The following SF3B3 variants were observed in gnomAD, a reference collection of about 807,000 sequenced individuals.
SF3B3 encodes the protein splicing factor 3b subunit 3.
A neutral mutation model predicts 139.2 loss-of-function variants in SF3B3; 33 were observed. That is an observed-to-expected ratio of 0.24 (90% CI 0.18 to 0.32). The LOEUF (loss-of-function observed/expected upper bound fraction) is 0.32. SF3B3 is among the 10% of genes least tolerant of loss of function. The probability of loss-of-function intolerance (pLI) is 1.00; values close to 1 mark genes in which losing one functional copy is unlikely to be tolerated. For missense variants in SF3B3, 818 were observed against 1,509.4 expected (o/e 0.54, Z 7.59); for synonymous variants, 596 against 563.6 (o/e 1.06, Z -0.81).
rs1555501476 is a variant in SF3B3 at position 70,575,202 on chromosome 16, T to TTC, written c.*3390_*3391insCT. ...TTTTCTTTTTCTTTTTTTTCTTTTTTTTTTTTTTTTTTTTGAGATGAAGTC... is the reference window on the plus strand; with the variant it reads ...TTTTCTTTTTCTTTTTTTTCTTTTTTTCTTTTTTTTTTTTTTGAGATGAAGTC... On this transcript the variant is annotated 3_prime_UTR_variant, in exon 26 of 26. Coordinates refer to ENST00000302516, the MANE Select transcript of SF3B3 (RefSeq NM_012426.5). The TTC allele has an allele frequency of 7.0e-6, 1 of 142,480 alleles. No individual in the cohort carries two copies. The highest frequency in any genetic ancestry group is 2.7e-5 in the African/African-American group (1 of 37,180). 8.8% of individuals were successfully genotyped at this position (142,480 alleles called of 1,614,324 possible). A position where few individuals can be genotyped will look rare whatever the true frequency, so the allele number is the denominator to read the frequency against.
At position 70,571,530 on chromosome 16, in the gene SF3B3, A is replaced by G. The variant is rs2050529178; in HGVS notation, c.3514-143A>G. Reference sequence around the variant, plus strand: ...CAGTGAGCTAAGATTATCCCACTGCACTGCAACCCGGATGATAGGGTGAGA... The same window carrying G: ...CAGTGAGCTAAGATTATCCCACTGCGCTGCAACCCGGATGATAGGGTGAGA... On this transcript the variant is annotated intron_variant, in intron 25 of 25. Coordinates refer to ENST00000302516, the MANE Select transcript of SF3B3 (RefSeq NM_012426.5). 10 of 858,910 alleles carry G rather than the reference A, an allele frequency of 1.2e-5. No individual in the cohort carries two copies. The South Asian group carries it at 1.7e-4, about 14-fold the overall frequency. The allele number at this position is 858,910 out of a possible 1,614,324, so 53.2% of individuals were successfully genotyped here. A position where few individuals can be genotyped will look rare whatever the true frequency, so the allele number is the denominator to read the frequency against.
At chr16:70,558,597 A>T (rs572364267) in intron 15 of SF3B3, among the ~76,000 whole-genome samples, 2 of 152,048 alleles carry the variant, frequency 1.3e-5, no homozygotes, top group Non-Finnish European at 2.9e-5. Context: ...GTCTTTATTT[A>T]AAAAAAATTT....
chr16:70,556,758 C>T, intron 14 of SF3B3, 128 bp from the exon 15 acceptor site: 1 of 970,228 alleles, frequency 1.0e-6, no homozygotes. Context: ...TCTCTTAGAA[C>T]TCACTCCCCG....
At chr16:70,532,314 C>A (rs529443614) in intron 4 of SF3B3, among the ~76,000 whole-genome samples, 165 bp from the exon 5 acceptor site, 6 of 134,540 alleles carry the variant, frequency 4.5e-5, no homozygotes, top group Non-Finnish European at 9.1e-5. Flanking sequence ...GATCATACCT[C>A]TGTGCACTGC....
chr16:70,554,273 A>G (rs1048114978), intron 11 of SF3B3, 173 bp from the exon 12 acceptor site: 1 of 572,562 alleles, frequency 1.7e-6, no homozygotes, highest in African/African-American at 1.9e-5. Flanking sequence ...TCTGACCCCT[A>G]GTTTTCTTCT....
At chr16:70,525,293 C>T (rs1464437550) in intron 1 of SF3B3, among the ~76,000 whole-genome samples, 1 of 152,014 alleles carries the variant, frequency 6.6e-6, no homozygotes. Context: ...TCCCAAAGTG[C>T]TGGGATTACA....
intron 2 of SF3B3, among the ~76,000 whole-genome samples, chr16:70,528,464 CT>C (rs71387528): frequency 3.0e-3 from 308 of 103,902 alleles, no homozygotes; most frequent in African/African-American, 0.01. Flanking sequence ...TGTGCGTGGC[CT>C]TTTTTTTTTT....
chr16:70,562,250 A>G (rs1233763938), intron 17 of SF3B3, among the ~76,000 whole-genome samples: 1 of 152,192 alleles, frequency 6.6e-6, no homozygotes, highest in Non-Finnish European at 1.5e-5. Flanking sequence ...TGTATGTAAT[A>G]TTCTTTGCAA....
intron 10 of SF3B3, 78 bp downstream of exon 10, chr16:70,544,611 G>A: frequency 4.9e-6 from 4 of 823,234 alleles, no homozygotes; most frequent in South Asian, 1.5e-5. Flanking sequence ...TTACTCTGAT[G>A]TTGTCAAAGA....
intron 2 of SF3B3, 135 bp from the exon 3 acceptor site, chr16:70,528,738 C>T (rs954966063): frequency 2.1e-5 from 13 of 630,246 alleles, no homozygotes; most frequent in Non-Finnish European, 3.6e-5. Context: ...CTGCCTTAGC[C>T]TCCCGAGTAG....
intron 2 of SF3B3, among the ~76,000 whole-genome samples, chr16:70,527,749 GTTTTTGT>G (rs1053653140): frequency 4.6e-5 from 7 of 151,740 alleles, no homozygotes; most frequent in Non-Finnish European, 8.8e-5. Flanking sequence ...TGTTTGTTTT[GTTTTTGT>G]TTTTTGTTTG....
chr16:70,545,832 G>A (rs188838139), intron 10 of SF3B3, among the ~76,000 whole-genome samples: 2 of 152,284 alleles, frequency 1.3e-5, no homozygotes, highest in Admixed American at 1.3e-4. Flanking sequence ...TTAAGGTATG[G>A]CATGAAGTGT....
intron 7 of SF3B3, among the ~76,000 whole-genome samples, chr16:70,538,900 C>T (rs916441443): frequency 9.9e-5 from 15 of 152,278 alleles, no homozygotes; most frequent in Non-Finnish European, 1.5e-4. Flanking sequence ...ACGTAGTCTC[C>T]GTCTCAATTA....
At chr16:70,544,858 C>CT (rs2050253274) in intron 10 of SF3B3, among the ~76,000 whole-genome samples, 1 of 151,904 alleles carries the variant, frequency 6.6e-6, no homozygotes, top group African/African-American at 2.4e-5. Context: ...CCAGCCTGTG[C>CT]TTTTTTCTAT....
In SF3B3 at chr16:70,572,265, C is replaced by A. The variant is rs1208052147; in HGVS notation, c.*452C>A. The A allele has an allele frequency of 1.8e-5, 6 of 336,552 alleles. No homozygotes were observed. Among genetic ancestry groups the A allele is most frequent in the Non-Finnish European group, 2.9e-5 (5 of 170,332 alleles). The allele number at this position is 336,552 out of a possible 1,614,324, so 20.8% of individuals were successfully genotyped here. ...CTCCTGAGTTCCACTGCTCTAGAAT[C>A]TAACCAGAAATAGAAACCTAGTTTT... On this transcript the variant is annotated 3_prime_UTR_variant, in exon 26 of 26. Transcript: ENST00000302516.
intron 11 of SF3B3, among the ~76,000 whole-genome samples, chr16:70,549,576 A>T (rs2050301949): frequency 6.6e-6 from 1 of 152,022 alleles, no homozygotes; most frequent in Admixed American, 6.5e-5. Context: ...TTTTAAGATA[A>T]CCTATTGTGT....
chr16:70,531,299 G>T (rs1454149859), intron 4 of SF3B3, among the ~76,000 whole-genome samples: 1 of 151,950 alleles, frequency 6.6e-6, no homozygotes, highest in Non-Finnish European at 1.5e-5. Context: ...TTTCTTCCTT[G>T]TGCATACCTT....
intron 7 of SF3B3, among the ~76,000 whole-genome samples, 166 bp from the exon 8 acceptor site, chr16:70,538,938 A>G (rs984597505): frequency 6.6e-6 from 1 of 152,228 alleles, no homozygotes; most frequent in Non-Finnish European, 1.5e-5. Flanking sequence ...AGTACAAGAC[A>G]GCCACAGCCA....
At chr16:70,535,887 A>G (rs1362774973) in intron 6 of SF3B3, among the ~76,000 whole-genome samples, 3 of 151,902 alleles carry the variant, frequency 2.0e-5, no homozygotes, top group African/African-American at 7.3e-5. Flanking sequence ...TTTCTTTCTC[A>G]TGATATATCC....
Sources: allele counts gnomAD v4.1 joint callset (sites outside exome capture counted in the v4.1 genomes callset), GRCh38; gene constraint gnomAD v4.1.1; transcripts MANE v1.5; gene names NCBI Gene and HGNC (gene_info 2026-07-23, HGNC 2026-07-21).